Variants in OSTN observed in about 807,000 individuals in gnomAD.
OSTN encodes the protein osteocrin.
A neutral mutation model predicts 12.0 loss-of-function variants in OSTN; 9 were observed. The observed-to-expected ratio is 0.75, with a 90% CI of 0.45 to 1.30. The LOEUF is 1.30. OSTN is among the 50% of genes most tolerant of loss of function. The pLI is 0.00. For synonymous variants in OSTN, 59 were observed against 56.9 expected (o/e 1.04, Z -0.16); for missense variants, 148 against 152.3 (o/e 0.97, Z 0.15).
rs2108560030 is a variant in OSTN, at chr3:191,264,162, G to A, written c.*1309G>A. 6.6e-6 allele frequency: 1 copy of A among 152,178 alleles called. No homozygotes were observed. Among genetic ancestry groups the A allele is most frequent in the East Asian group, 1.9e-4 (1 of 5,186 alleles). The allele number at this position is 152,178 out of a possible 1,614,324, so 9.4% of individuals were successfully genotyped here. On this transcript the variant is annotated 3_prime_UTR_variant, in exon 5 of 5. Transcript: ENST00000682035. ...GTGTCTTAATTTTAAAGGAAGAGGA[G>A]AGAAATGGGCAATTGCTAATCTTAA...
At chr3:191,200,574 A>G (rs1714129753) in intron 1 of OSTN, among the ~76,000 whole-genome samples, 1 of 152,144 alleles carries the variant, frequency 6.6e-6, no homozygotes, top group Non-Finnish European at 1.5e-5. Flanking sequence ...GCTCTGCTAT[A>G]ATCCACCTAT....
intron 3 of OSTN, among the ~76,000 whole-genome samples, chr3:191,244,734 T>G (rs886776987): frequency 6.7e-6 from 1 of 150,330 alleles, no homozygotes; most frequent in African/African-American, 2.4e-5. Flanking sequence ...TGGTTTCTGA[T>G]TATGTGCTTT....
At chr3:191,238,809 A>C (rs1715258638) in intron 3 of OSTN, among the ~76,000 whole-genome samples, 1 of 152,222 alleles carries the variant, frequency 6.6e-6, no homozygotes, top group Non-Finnish European at 1.5e-5. Flanking sequence ...ATAGGATGGG[A>C]CAGTCCTTTT....
At chr3:191,204,168 G>A (rs1042815000) in intron 1 of OSTN, among the ~76,000 whole-genome samples, 3 of 152,168 alleles carry the variant, frequency 2.0e-5, no homozygotes, top group Admixed American at 1.3e-4. Context: ...GGGATCACAG[G>A]CGTGAGCCAC....
chr3:191,215,767 T>A (rs1714592888), intron 2 of OSTN, among the ~76,000 whole-genome samples: 1 of 152,224 alleles, frequency 6.6e-6, no homozygotes, highest in Non-Finnish European at 1.5e-5. Flanking sequence ...CTTGAGCAGC[T>A]CTGCCCCTGA....
chr3:191,262,252 A>G (rs957314272), intron 4 of OSTN, among the ~76,000 whole-genome samples: 5 of 152,206 alleles, frequency 3.3e-5, no homozygotes, highest in African/African-American at 1.2e-4. Context: ...TAATTGTGCT[A>G]CCACTTGCTG....
chr3:191,199,623 TTG>T, intron 1 of OSTN, among the ~76,000 whole-genome samples: 1 of 152,200 alleles, frequency 6.6e-6, no homozygotes, highest in Non-Finnish European at 1.5e-5. Flanking sequence ...TTCCTCAAAA[TTG>T]TGTAATATTA....
chr3:191,213,571 T>C (rs1188210553), intron 2 of OSTN, among the ~76,000 whole-genome samples: 2 of 152,142 alleles, frequency 1.3e-5, no homozygotes, highest in Non-Finnish European at 2.9e-5. Context: ...TTGAGTAGTT[T>C]TGTTCAAACT....
At chr3:191,231,152 C>T (rs1217676650) in intron 3 of OSTN, among the ~76,000 whole-genome samples, 1 of 151,950 alleles carries the variant, frequency 6.6e-6, no homozygotes, top group Non-Finnish European at 1.5e-5. Flanking sequence ...AAATCTGAAA[C>T]TTGTTTTGTA....
chr3:191,209,581 A>C (rs979522551), intron 1 of OSTN, among the ~76,000 whole-genome samples: 2 of 152,270 alleles, frequency 1.3e-5, no homozygotes, highest in Non-Finnish European at 2.9e-5. Flanking sequence ...ATGAACAACT[A>C]TTTTAAACAT....
Position 191,226,724 on chromosome 3 carries a change from T to C in OSTN, c.317+7763T>C, listed in dbSNP as rs570955434. 7.2e-5 allele frequency among the ~76,000 whole-genome samples: 11 copies of C among 152,306 alleles called. No homozygotes were observed. The East Asian group carries it at 2.1e-3, about 29-fold the overall frequency. ...AGAGAAATTCAATAAATAGACTCCA[T>C]TTCATATGCAACTTTAAAATGTATA... On this transcript the variant is annotated intron_variant, in intron 3 of 4. Coordinates refer to ENST00000682035, the MANE Select transcript of OSTN (RefSeq NM_198184.2).
At chr3:191,231,395 A>C (rs1247495402) in intron 3 of OSTN, among the ~76,000 whole-genome samples, 1 of 152,044 alleles carries the variant, frequency 6.6e-6, no homozygotes, top group Non-Finnish European at 1.5e-5. Flanking sequence ...ACAAGACTAA[A>C]ATGTGACGTA....
At chr3:191,227,342 A>T (rs1473371793) in intron 3 of OSTN, among the ~76,000 whole-genome samples, 1 of 152,152 alleles carries the variant, frequency 6.6e-6, no homozygotes, top group East Asian at 1.9e-4. Flanking sequence ...AACCAAAATA[A>T]TTACTGAGGC....
At chr3:191,202,017 A>C (rs956948785) in intron 1 of OSTN, among the ~76,000 whole-genome samples, 1 of 152,172 alleles carries the variant, frequency 6.6e-6, no homozygotes, top group Non-Finnish European at 1.5e-5. Flanking sequence ...TGACATGCCT[A>C]ATCAGGATTC....
rs372646567 is a variant in OSTN, at chr3:191,200,561, C to G, written c.-1+1254C>G. ...AAGTAAGAAATCCTAATATATCATT[C>G]TAGCTCTGCTATAATCCACCTATAC... On this transcript the variant is annotated intron_variant, in intron 1 of 4. Coordinates refer to ENST00000682035, the MANE Select transcript of OSTN (RefSeq NM_198184.2). 2.2e-4 allele frequency among the ~76,000 whole-genome samples: 34 copies of G among 152,174 alleles called. 2 individuals are homozygous for G. Among genetic ancestry groups the G allele is most frequent in the African/African-American group, 7.0e-4 (29 of 41,546 alleles).
intron 3 of OSTN, among the ~76,000 whole-genome samples, chr3:191,227,729 C>G (rs185513304): frequency 2.0e-5 from 3 of 152,244 alleles, no homozygotes; most frequent in Admixed American, 2.0e-4. Context: ...GTGGTGTTGA[C>G]AGACGACCAT....
chr3:191,247,450 T>TA (rs1274159039), intron 3 of OSTN, among the ~76,000 whole-genome samples: 1 of 152,168 alleles, frequency 6.6e-6, no homozygotes, highest in Non-Finnish European at 1.5e-5. Context: ...ACTTTTTTCC[T>TA]AGTTTTTTTC....
At chr3:191,258,413 A>G (rs1180151137) in intron 4 of OSTN, among the ~76,000 whole-genome samples, 1 of 152,152 alleles carries the variant, frequency 6.6e-6, no homozygotes, top group East Asian at 1.9e-4. Flanking sequence ...AGATGTTTAA[A>G]AAGCAAGGGT....
chr3:191,248,931 T>C (rs1032985945), intron 3 of OSTN, among the ~76,000 whole-genome samples: 3 of 152,216 alleles, frequency 2.0e-5, no homozygotes, highest in African/African-American at 7.2e-5. Context: ...CAGAAATCCT[T>C]ACATTTGGTG....
Sources: gnomAD v4.1 joint callset for allele counts (sites outside exome capture counted in the v4.1 genomes callset) on GRCh38, gnomAD v4.1.1 for gene constraint, MANE v1.5 for transcripts, NCBI Gene and HGNC (gene_info 2026-07-23, HGNC 2026-07-21) for gene names.